Variants in ARHGAP10 observed in about 807,000 individuals in gnomAD.
ARHGAP10 encodes Rho GTPase activating protein 10.
A neutral mutation model predicts 108.6 loss-of-function variants in ARHGAP10; 87 were observed. The observed-to-expected ratio is 0.80, with a 90% CI of 0.67 to 0.96. The LOEUF (loss-of-function observed/expected upper bound fraction) is 0.96, where lower values mean the gene tolerates loss of function less well. ARHGAP10 is among the 40% of genes least tolerant of loss of function. The pLI is 0.00. For missense variants in ARHGAP10, 939 were observed against 954.5 expected, an observed-to-expected ratio of 0.98 and a Z score of 0.21; for synonymous variants, 347 against 341.1, an observed-to-expected ratio of 1.02 and a Z score of -0.19.
intron 18 of ARHGAP10, among the ~76,000 whole-genome samples, chr4:147,978,169 A>AT (rs1209919739): frequency 6.6e-6 from 1 of 151,912 alleles, no homozygotes; most frequent in Admixed American, 6.6e-5. Context: ...TTATTCATTT[A>AT]TTTTTTTTGG....
chr4:147,803,368 A>G (rs1405256726), intron 1 of ARHGAP10, among the ~76,000 whole-genome samples: 2 of 152,196 alleles, frequency 1.3e-5, no homozygotes. Context: ...TACATGTGAT[A>G]TTTTGATACA....
chr4:147,911,521 C>T (rs1736729767), intron 12 of ARHGAP10, among the ~76,000 whole-genome samples: 1 of 152,286 alleles, frequency 6.6e-6, no homozygotes, highest in East Asian at 1.9e-4. Context: ...CACCATCACG[C>T]CCGGCTAATT....
At chr4:147,748,221 C>T (rs1729013116) in intron 1 of ARHGAP10, among the ~76,000 whole-genome samples, 1 of 152,194 alleles carries the variant, frequency 6.6e-6, no homozygotes, top group South Asian at 2.1e-4. Flanking sequence ...AAGGCCTTAT[C>T]AGTCCTGGGT....
chr4:147,792,998 T>C lies in ARHGAP10; in HGVS notation c.155-29729T>C, dbSNP rs111678766. Among the ~76,000 whole-genome samples the C allele has an allele frequency of 8.4e-3, 1,282 of 152,054 alleles. 20 individuals are homozygous for C. The highest frequency in any genetic ancestry group is 0.036 in the East Asian group (186 of 5,162). ...ACTAAAAATACAAAAATTAGCTGGGTGTGGTGATGCATGCCTGTAGTCCCA... is the reference window on the plus strand; with the variant it reads ...ACTAAAAATACAAAAATTAGCTGGGCGTGGTGATGCATGCCTGTAGTCCCA... On this transcript the variant is annotated intron_variant, in intron 1 of 22. Coordinates refer to ENST00000336498, the MANE Select transcript of ARHGAP10 (RefSeq NM_024605.4).
Position 147,965,126 on chromosome 4 carries a change from C to T in ARHGAP10, c.1553C>T (p.Thr518Ile), listed in dbSNP as rs375188932. Residue 518 changes from threonine to isoleucine, a missense_variant, in exon 17 of 23, where the codon ACA becomes ATA. Coordinates refer to ENST00000336498, the MANE Select transcript of ARHGAP10 (RefSeq NM_024605.4). ...EMLDILVKHLTNVSNHSKQNL... is the reference protein window; with the variant it reads ...EMLDILVKHLINVSNHSKQNL... ...TTGGATATTTTGGTGAAACACTTAA[C>T]AAAGTAAGCCTCTTTTTCTTCGTTT... 4 of 1,594,928 alleles carry T rather than the reference C, an allele frequency of 2.5e-6. No individual in the cohort carries two copies. Among genetic ancestry groups the T allele is most frequent in the Admixed American group, 1.7e-5 (1 of 57,888 alleles).
intron 1 of ARHGAP10, among the ~76,000 whole-genome samples, chr4:147,759,663 A>G (rs1444749971): frequency 2.0e-5 from 3 of 151,618 alleles, no homozygotes; most frequent in Admixed American, 6.6e-5. Context: ...TATTATTTCA[A>G]CGTGTAACCA....
At chr4:147,901,965 G>A (rs747511200) in intron 10 of ARHGAP10, among the ~76,000 whole-genome samples, 1 of 152,180 alleles carries the variant, frequency 6.6e-6, no homozygotes, top group Non-Finnish European at 1.5e-5. Context: ...GCTCATGGCC[G>A]ACTTTGAGAG....
chr4:148,031,336 C>A (rs1336299239), intron 19 of ARHGAP10, among the ~76,000 whole-genome samples: 1 of 152,038 alleles, frequency 6.6e-6, no homozygotes, highest in South Asian at 2.1e-4. Context: ...ATATTATATA[C>A]CAAGTACTGT....
Position 148,072,170 on chromosome 4 carries a change from G to T in ARHGAP10, c.*89G>T. On this transcript the variant is annotated 3_prime_UTR_variant, in exon 23 of 23. Coordinates refer to ENST00000336498, the MANE Select transcript of ARHGAP10 (RefSeq NM_024605.4). ...TCTTCCTCCTCCGAGGCTCTGGGCT[G>T]CACCCACAGGTACCTCCACACTTGG... The T allele has an allele frequency of 9.0e-7, 1 of 1,109,620 alleles. No individual in the cohort carries two copies. The highest frequency in any genetic ancestry group is 2.5e-5 in the Admixed American group (1 of 39,680). The allele number at this position is 1,109,620 out of a possible 1,614,324, so 68.7% of individuals were successfully genotyped here. A position where few individuals can be genotyped will look rare whatever the true frequency, so the allele number is the denominator to read the frequency against.
At chr4:147,770,583 A>G (rs1730036656) in intron 1 of ARHGAP10, among the ~76,000 whole-genome samples, 1 of 152,180 alleles carries the variant, frequency 6.6e-6, no homozygotes, top group Admixed American at 6.5e-5. Context: ...TCCTGTATTT[A>G]ACTTATAGTC....
intron 16 of ARHGAP10, among the ~76,000 whole-genome samples, chr4:147,962,821 A>G (rs145416099): frequency 0.017 from 2,644 of 151,842 alleles, 79 homozygotes; most frequent in African/African-American, 0.058. Context: ...ACACCACCAC[A>G]CTGGCTAATT....
chr4:147,763,309 A>AT (rs932554369), intron 1 of ARHGAP10, among the ~76,000 whole-genome samples: 1 of 149,490 alleles, frequency 6.7e-6, no homozygotes, highest in African/African-American at 2.5e-5. Flanking sequence ...GTAGGAGTAG[A>AT]TAATAGTTTT....
At chr4:148,055,078 C>G (rs1729305488) in intron 20 of ARHGAP10, among the ~76,000 whole-genome samples, 1 of 152,216 alleles carries the variant, frequency 6.6e-6, no homozygotes, top group South Asian at 2.1e-4. Context: ...TGATTCCACA[C>G]TGATCATCTG....
intron 1 of ARHGAP10, among the ~76,000 whole-genome samples, chr4:147,790,985 T>G (rs1274441642): frequency 1.3e-5 from 2 of 152,172 alleles, no homozygotes; most frequent in African/African-American, 4.8e-5. Flanking sequence ...TTGGGATGTT[T>G]CATTGCCACA....
chr4:147,759,793 G>C (rs1456290642), intron 1 of ARHGAP10, among the ~76,000 whole-genome samples: 1 of 152,068 alleles, frequency 6.6e-6, no homozygotes, highest in African/African-American at 2.4e-5. Context: ...CTGTCGCCCA[G>C]GCTGGAATGC....
At position 147,822,919 on chromosome 4, in the gene ARHGAP10, A is replaced by G. The variant is rs946117367; in HGVS notation, c.274A>G (p.Asn92Asp). The G allele has an allele frequency of 1.9e-6, 3 of 1,614,056 alleles. No homozygotes were observed. In the African/African-American group the frequency reaches 4.0e-5, roughly 22 times the overall value. ...CIDASLREFS[N>D]FLKNLEEQRE... ...AGATGCTTCCTTACGTGAATTTTCA[A>G]ATTTTTTGAAGAATCTGGAGGAACA... Residue 92 changes from asparagine (N) to aspartate (D), a missense_variant, in exon 3 of 23, where the codon AAT becomes GAT. By Grantham distance (23) the Asn-to-Asp change is conservative. Transcript: ENST00000336498.
At chr4:147,904,567 T>G (rs868604817) in intron 10 of ARHGAP10, among the ~76,000 whole-genome samples, 8 of 152,226 alleles carry the variant, frequency 5.3e-5, no homozygotes, top group Middle Eastern at 3.2e-3. Context: ...GAGCTCATCA[T>G]TTTTTATGGC....
At chr4:147,987,720 G>T (rs1267082878) in intron 18 of ARHGAP10, among the ~76,000 whole-genome samples, 2 of 152,244 alleles carry the variant, frequency 1.3e-5, no homozygotes, top group Non-Finnish European at 2.9e-5. Flanking sequence ...GGGCTTTGGG[G>T]CTGAAGACAT....
intron 22 of ARHGAP10, among the ~76,000 whole-genome samples, chr4:148,071,548 A>G (rs1409902722): frequency 2.0e-5 from 3 of 152,176 alleles, no homozygotes; most frequent in African/African-American, 7.2e-5. Flanking sequence ...TCCGGGAGGC[A>G]GAGATTGCAG....
Sources: allele counts gnomAD v4.1 joint callset (sites outside exome capture counted in the v4.1 genomes callset), GRCh38; gene constraint gnomAD v4.1.1; transcripts MANE v1.5; gene names NCBI Gene and HGNC (gene_info 2026-07-23, HGNC 2026-07-21).